The following GLRB variants were observed in gnomAD, a reference collection of about 807,000 sequenced individuals.
GLRB encodes the protein glycine receptor beta, also known as glycine receptor subunit beta.
GLRB carries 33 observed loss-of-function variants against 54.2 expected under a neutral mutation model. The observed-to-expected ratio is 0.61, with a 90% confidence interval of 0.46 to 0.81. GLRB has a LOEUF of 0.81. Ranked by LOEUF, GLRB falls within the 40% of genes least tolerant of loss-of-function variation. The pLI, the probability that GLRB is intolerant of heterozygous loss-of-function variation, is 0.00. For missense variants in GLRB, 572 were observed against 584.6 expected (o/e 0.98, Z 0.22); for synonymous variants, 209 against 208.2 (o/e 1.00, Z -0.03).
At chr4:157,090,137 G>T (rs1252115483) in intron 2 of GLRB, among the ~76,000 whole-genome samples, 1 of 152,086 alleles carries the variant, frequency 6.6e-6, no homozygotes, top group African/African-American at 2.4e-5. Context: ...ATCTCAAATT[G>T]TTGGTCTAAG....
At chr4:157,123,395 T>C (rs1735903565) in intron 4 of GLRB, among the ~76,000 whole-genome samples, 1 of 151,796 alleles carries the variant, frequency 6.6e-6, no homozygotes, top group African/African-American at 2.4e-5. Flanking sequence ...AAAGCAATTG[T>C]ACATTGCATT....
intron 2 of GLRB, among the ~76,000 whole-genome samples, chr4:157,103,012 A>T (rs1735090249): frequency 6.6e-6 from 1 of 152,000 alleles, no homozygotes; most frequent in Admixed American, 6.6e-5. Context: ...TAACTTGTGC[A>T]TGGGGATGCA....
At chr4:157,092,867 C>A (rs1734668294) in intron 2 of GLRB, among the ~76,000 whole-genome samples, 1 of 152,134 alleles carries the variant, frequency 6.6e-6, no homozygotes, top group Admixed American at 6.5e-5. Flanking sequence ...CTATCAGAGT[C>A]CTCCTTGTTT....
At chr4:157,102,042 T>C (rs1735050695) in intron 2 of GLRB, among the ~76,000 whole-genome samples, 1 of 152,142 alleles carries the variant, frequency 6.6e-6, no homozygotes, top group South Asian at 2.1e-4. Flanking sequence ...AATAACCCAA[T>C]TGGTTCAGTA....
chr4:157,097,453 T>G (rs1280256346), intron 2 of GLRB, among the ~76,000 whole-genome samples: 1 of 152,182 alleles, frequency 6.6e-6, no homozygotes, highest in Non-Finnish European at 1.5e-5. Context: ...TGAACTATTA[T>G]TCTTGCAATT....
At chr4:157,110,553 C>T (rs1377090894) in intron 2 of GLRB, among the ~76,000 whole-genome samples, 1 of 151,954 alleles carries the variant, frequency 6.6e-6, no homozygotes, top group African/African-American at 2.4e-5. Flanking sequence ...GCATGTTGAA[C>T]ATTTTATTAT....
At chr4:157,117,188 TA>T (rs1735638778) in intron 2 of GLRB, among the ~76,000 whole-genome samples, 1 of 151,698 alleles carries the variant, frequency 6.6e-6, no homozygotes, top group African/African-American at 2.4e-5. Flanking sequence ...ACATATGCCC[TA>T]AAGCAATATG....
intron 4 of GLRB, among the ~76,000 whole-genome samples, chr4:157,131,822 T>C (rs952120928): frequency 2.0e-5 from 3 of 151,828 alleles, no homozygotes; most frequent in Non-Finnish European, 4.4e-5. Flanking sequence ...TACTTACCCA[T>C]TTATCTACCG....
intron 2 of GLRB, among the ~76,000 whole-genome samples, chr4:157,094,013 ATG>A (rs1734715919): frequency 6.6e-6 from 1 of 152,298 alleles, no homozygotes; most frequent in African/African-American, 2.4e-5. Context: ...CTGTCTATGC[ATG>A]TGTTTGCTCT....
intron 2 of GLRB, among the ~76,000 whole-genome samples, chr4:157,107,946 A>G (rs1184531068): frequency 6.6e-6 from 1 of 152,074 alleles, no homozygotes; most frequent in East Asian, 1.9e-4. Context: ...CATTTCAAAA[A>G]TCCTAGGGCC....
chr4:157,170,093 A>C (rs541279004), intron 9 of GLRB, among the ~76,000 whole-genome samples: 1 of 152,136 alleles, frequency 6.6e-6, no homozygotes, highest in East Asian at 1.9e-4. Flanking sequence ...ATGGTTAAAT[A>C]TTGGAGCAAA....
chr4:157,139,585 G>A (rs1736536432), intron 7 of GLRB, among the ~76,000 whole-genome samples: 1 of 152,014 alleles, frequency 6.6e-6, no homozygotes, highest in Admixed American at 6.5e-5. Flanking sequence ...AATATGATTA[G>A]TGTTCAACCT....
At chr4:157,145,181 T>C (rs1237116462) in intron 8 of GLRB, among the ~76,000 whole-genome samples, 1 of 152,214 alleles carries the variant, frequency 6.6e-6, no homozygotes, top group Non-Finnish European at 1.5e-5. Context: ...ACATATCCTT[T>C]AAGAATTTTT....
chr4:157,121,608 CAT>C (rs1735824891), intron 3 of GLRB, among the ~76,000 whole-genome samples: 1 of 151,590 alleles, frequency 6.6e-6, no homozygotes, highest in Non-Finnish European at 1.5e-5. Flanking sequence ...TGGGTTGTCA[CAT>C]GTCTACCATA....
chr4:157,123,819 A>T (rs539759676), intron 4 of GLRB, among the ~76,000 whole-genome samples: 1 of 151,830 alleles, frequency 6.6e-6, no homozygotes, highest in East Asian at 2.0e-4. Context: ...CTACACTAAT[A>T]CAGAAACACA....
In GLRB at chr4:157,099,147, G is replaced by A. The variant is rs192477949; in HGVS notation, c.122+21001G>A. Among the ~76,000 whole-genome samples, 491 of 152,094 alleles carry A rather than the reference G, an allele frequency of 3.2e-3. 3 individuals are homozygous for A. Among genetic ancestry groups the A allele is most frequent in the African/African-American group, 0.011 (441 of 41,512 alleles). On this transcript the variant is annotated intron_variant, in intron 2 of 9. Transcript: ENST00000264428. ...TGGTCTTATCATAGGCAAGCAAGAG[G>A]GTCATCCAGGGGTCTTGTCTAGGTC...
At chr4:157,149,777 C>G (rs1021011246) in intron 8 of GLRB, among the ~76,000 whole-genome samples, 1 of 152,058 alleles carries the variant, frequency 6.6e-6, no homozygotes, top group Non-Finnish European at 1.5e-5. Flanking sequence ...TCTGTTGATT[C>G]ATGGCATTGG....
chr4:157,125,005 TG>T (rs1267241440), intron 4 of GLRB, among the ~76,000 whole-genome samples: 4 of 151,906 alleles, frequency 2.6e-5, no homozygotes, highest in Non-Finnish European at 5.9e-5. Context: ...AATACCTTGT[TG>T]TTTAATAGTT....
At chr4:157,136,750 A>G (rs757629014) in intron 5 of GLRB, 52 bp downstream of exon 5, 36 of 1,505,688 alleles carry the variant, frequency 2.4e-5, no homozygotes, top group African/African-American at 1.6e-4. Context: ...TCTAAAATCA[A>G]TGGATGACAG....
Sources: gnomAD v4.1 joint callset for allele counts (sites outside exome capture counted in the v4.1 genomes callset) on GRCh38, gnomAD v4.1.1 for gene constraint, MANE v1.5 for transcripts, NCBI Gene and HGNC (gene_info 2026-07-23, HGNC 2026-07-21) for gene names.